VTA1: variants seen among roughly 807,000 people sequenced by gnomAD.
The protein encoded by VTA1 is vacuolar protein sorting-associated protein VTA1 homolog.
In VTA1, 24 loss-of-function variants were observed where a neutral mutation model predicts 36.9. The observed-to-expected ratio is 0.65, with a 90% confidence interval of 0.47 to 0.91. The LOEUF (loss-of-function observed/expected upper bound fraction) is 0.91. Among genes scored for constraint, VTA1 ranks in the 40% least tolerant of loss-of-function variants. VTA1 has a pLI of 0.00. For missense variants in VTA1, 393 were observed against 377.2 expected, an observed-to-expected ratio of 1.04 and a Z score of -0.35; for synonymous variants, 142 against 130.2, an observed-to-expected ratio of 1.09 and a Z score of -0.62.
At chr6:142,167,776 T>C (rs896827504) in intron 2 of VTA1, among the ~76,000 whole-genome samples, 8 of 152,256 alleles carry the variant, frequency 5.3e-5, no homozygotes, top group African/African-American at 1.9e-4. Flanking sequence ...CTTGCATTTC[T>C]ACAGCTGCTT....
At chr6:142,159,616 C>G (rs1364790849) in intron 1 of VTA1, among the ~76,000 whole-genome samples, 1 of 151,190 alleles carries the variant, frequency 6.6e-6, no homozygotes, top group Admixed American at 6.6e-5. Flanking sequence ...TGGGTTCAAG[C>G]AATTTTCCTG....
chr6:142,149,297 C>G (rs986271933), intron 1 of VTA1, among the ~76,000 whole-genome samples: 1 of 152,140 alleles, frequency 6.6e-6, no homozygotes, highest in Non-Finnish European at 1.5e-5. Flanking sequence ...GCTCAGGTGA[C>G]ACTTAACAAT....
intron 7 of VTA1, among the ~76,000 whole-genome samples, chr6:142,216,557 G>A (rs1004780479): frequency 3.3e-5 from 5 of 151,906 alleles, no homozygotes; most frequent in Non-Finnish European, 7.4e-5. Flanking sequence ...AATTGGTTAT[G>A]CATGTCTGTA....
rs540760142 is a variant in VTA1 at position 142,210,631 on chromosome 6, G to A, written c.778+6566G>A. On this transcript the variant is annotated intron_variant, in intron 7 of 7. Transcript: ENST00000367630. ...AAATGGGCAAAAGATCTAACATTTC[G>A]TATATGAAGAAATGCTCAGCATCAC... is the stretch of plus-strand genomic sequence containing the variant. Among the ~76,000 whole-genome samples, 6 of 152,098 alleles carry A rather than the reference G, an allele frequency of 3.9e-5. No individual in the cohort carries two copies. In the East Asian group the frequency reaches 5.8e-4, roughly 15 times the overall value.
chr6:142,169,751 G>A, intron 3 of VTA1, 74 bp downstream of exon 3: 1 of 1,317,546 alleles, frequency 7.6e-7, no homozygotes, highest in Non-Finnish European at 9.9e-7. Flanking sequence ...AGTTTTCTCT[G>A]GAACACTTTC....
chr6:142,198,161 G>A (rs1292247828), intron 5 of VTA1, among the ~76,000 whole-genome samples: 1 of 79,642 alleles, frequency 1.3e-5, no homozygotes, highest in Non-Finnish European at 3.6e-5. Context: ...GTGTGTGTGT[G>A]TGTATATGTG....
At chr6:142,163,592 T>A (rs973458560) in intron 1 of VTA1, among the ~76,000 whole-genome samples, 2 of 152,148 alleles carry the variant, frequency 1.3e-5, no homozygotes, top group Non-Finnish European at 2.9e-5. Context: ...AAGTGACAAC[T>A]GCTTTTAGTT....
intron 4 of VTA1, among the ~76,000 whole-genome samples, chr6:142,185,502 T>C (rs186806053): frequency 9.8e-5 from 15 of 152,310 alleles, no homozygotes; most frequent in Middle Eastern, 3.4e-3. Context: ...TAAAAGAATG[T>C]CATTTTGCAG....
chr6:142,197,040 C>T (rs1775565055), intron 5 of VTA1, among the ~76,000 whole-genome samples: 1 of 152,094 alleles, frequency 6.6e-6, no homozygotes, highest in Admixed American at 6.5e-5. Flanking sequence ...CTATTGACTG[C>T]CCTCAGATGA....
chr6:142,198,163 G>GTGTGTA (rs1400033605), intron 5 of VTA1, among the ~76,000 whole-genome samples: 5 of 66,916 alleles, frequency 7.5e-5, no homozygotes, highest in East Asian at 5.2e-4. Context: ...GTGTGTGTGT[G>GTGTGTA]TATATGTGTG....
rs1051572278 is a variant in VTA1 at position 142,222,641 on chromosome 6, A to C, written c.*3998A>C. The C allele has an allele frequency of 1.2e-4, 6 of 51,736 alleles. No individual in the cohort carries two copies. The highest frequency in any genetic ancestry group is 3.2e-4 in the African/African-American group (6 of 18,824). 3.2% of individuals were successfully genotyped at this position (51,736 alleles called of 1,614,324 possible). A position where few individuals can be genotyped will look rare whatever the true frequency, so the allele number is the denominator to read the frequency against. Reference sequence around the variant, plus strand: ...TTCAACTCTAAAAGAATAATAGCTAATGGAGTTGATGGGTTTTGGTTTTCA... The same window carrying C: ...TTCAACTCTAAAAGAATAATAGCTACTGGAGTTGATGGGTTTTGGTTTTCA... On this transcript the variant is annotated 3_prime_UTR_variant, in exon 8 of 8. Transcript: ENST00000367630.
At chr6:142,154,115 T>G (rs1355325550) in intron 1 of VTA1, among the ~76,000 whole-genome samples, 1 of 151,986 alleles carries the variant, frequency 6.6e-6, no homozygotes, top group African/African-American at 2.4e-5. Context: ...TAATTAAGAA[T>G]TCCCCTTGTT....
chr6:142,163,285 A>G (rs898778649), intron 1 of VTA1, among the ~76,000 whole-genome samples: 6 of 151,974 alleles, frequency 3.9e-5, no homozygotes, highest in Non-Finnish European at 5.9e-5. Context: ...TCTAGTATTT[A>G]TATTCTAGGT....
At chr6:142,172,513 G>T (rs1292664619) in intron 4 of VTA1, among the ~76,000 whole-genome samples, 1 of 152,156 alleles carries the variant, frequency 6.6e-6, no homozygotes, top group African/African-American at 2.4e-5. Flanking sequence ...CTCTTATACA[G>T]AGTCATATAA....
intron 7 of VTA1, among the ~76,000 whole-genome samples, chr6:142,210,596 T>G (rs564910527): frequency 6.6e-6 from 1 of 152,038 alleles, no homozygotes. Context: ...AAACAAATAA[T>G]GCAATTCAAA....
intron 1 of VTA1, among the ~76,000 whole-genome samples, chr6:142,156,426 A>G (rs73777133): frequency 0.015 from 2,329 of 152,288 alleles, 56 homozygotes; most frequent in African/African-American, 0.053. Context: ...TGTTAATAGT[A>G]TGTCTCTGAG....
chr6:142,187,363 C>T (rs893239050), intron 4 of VTA1, among the ~76,000 whole-genome samples: 3 of 152,092 alleles, frequency 2.0e-5, no homozygotes, highest in Non-Finnish European at 4.4e-5. Context: ...TAAGATGATA[C>T]CTAAAAAGTG....
chr6:142,148,016 G>T (rs1351069966), intron 1 of VTA1, among the ~76,000 whole-genome samples: 4 of 152,130 alleles, frequency 2.6e-5, no homozygotes, highest in Non-Finnish European at 5.9e-5. Flanking sequence ...TTCACTTTGA[G>T]TGTTATACGT....
chr6:142,166,322 T>C lies in VTA1; in HGVS notation c.207T>C (p.Ala69=). ...CAAAGTTAATGGATCAGTTAGAAGC[T>C]GTAAGTTAACCACTGATCATTTATT... ...FLSKLMDQLE[A]LKKQLGDNEA... is the part of the protein sequence containing the mutation. Residue 69 remains alanine, a splice_region_variant and synonymous_variant, in exon 2 of 8, where the codon GCT becomes GCC. Coordinates refer to ENST00000367630, the MANE Select transcript of VTA1 (RefSeq NM_016485.5). The C allele has an allele frequency of 6.3e-7, 1 of 1,595,314 alleles. No individual in the cohort carries two copies. The highest frequency in any genetic ancestry group is 8.6e-7 in the Non-Finnish European group (1 of 1,166,122).
Sources: allele counts gnomAD v4.1 joint callset (sites outside exome capture counted in the v4.1 genomes callset), GRCh38; gene constraint gnomAD v4.1.1; transcripts MANE v1.5; gene names NCBI Gene and HGNC (gene_info 2026-07-23, HGNC 2026-07-21).